PNPLA8: variants seen among roughly 807,000 people sequenced by gnomAD.
The protein encoded by PNPLA8 is patatin like domain 8, phospholipase A2.
PNPLA8 carries 39 observed loss-of-function variants against 76.9 expected under a neutral mutation model. That is an observed-to-expected ratio of 0.51 (90% confidence interval 0.39 to 0.66). The LOEUF (loss-of-function observed/expected upper bound fraction) is 0.66. Among genes scored for constraint, PNPLA8 ranks in the 30% least tolerant of loss-of-function variants. The pLI is 0.00. For synonymous variants in PNPLA8, 301 were observed against 307.9 expected, an observed-to-expected ratio of 0.98 and a Z score of 0.24; for missense variants, 887 against 918.0, an observed-to-expected ratio of 0.97 and a Z score of 0.44.
chr7:108,477,317 TG>T (rs1860068770), intron 10 of PNPLA8, among the ~76,000 whole-genome samples: 1 of 152,226 alleles, frequency 6.6e-6, no homozygotes, highest in South Asian at 2.1e-4. Flanking sequence ...AGTATTTTAC[TG>T]ATCTGGCAAC....
At chr7:108,480,497 C>T (rs567592195) in intron 9 of PNPLA8, among the ~76,000 whole-genome samples, 1 of 152,170 alleles carries the variant, frequency 6.6e-6, no homozygotes, top group Non-Finnish European at 1.5e-5. Flanking sequence ...GCTGAGTACA[C>T]GGAAAGGCAT....
At chr7:108,524,914 A>G (rs530026578) in intron 1 of PNPLA8, among the ~76,000 whole-genome samples, 38 of 152,158 alleles carry the variant, frequency 2.5e-4, no homozygotes, top group Non-Finnish European at 2.8e-4. Context: ...CTTCAGCACA[A>G]CCCCTCTAAC....
chr7:108,502,892 T>A, intron 4 of PNPLA8: 1 of 275,880 alleles, frequency 3.6e-6, no homozygotes, highest in Non-Finnish European at 6.6e-6. Flanking sequence ...ATGTAATACT[T>A]AACTAGAGAA....
chr7:108,516,567 A>G (rs40878), intron 2 of PNPLA8, among the ~76,000 whole-genome samples: 45,104 of 152,138 alleles, frequency 0.3, 7,226 homozygotes, highest in African/African-American at 0.38. Flanking sequence ...TCAAATGCAC[A>G]ATACACAAAA....
intron 1 of PNPLA8, among the ~76,000 whole-genome samples, 200 bp downstream of exon 1, chr7:108,525,829 G>C (rs947533782): frequency 6.6e-6 from 1 of 152,224 alleles, no homozygotes; most frequent in Admixed American, 6.5e-5. Context: ...CGGGGGCGGA[G>C]GGCGCCGAGT....
chr7:108,496,569 G>C lies in PNPLA8; in HGVS notation c.1625+15C>G. The stretch of plus-strand genomic sequence containing the variant: ...TATATAATCAGAAGATTTAAAAAGA[G>C]TAATTGTAACTTACTTAAGAATGTT... On this transcript the variant is annotated intron_variant, in intron 7 of 10. Coordinates refer to ENST00000257694, the MANE Select transcript of PNPLA8 (RefSeq NM_001256007.3). 1 of 1,549,218 alleles carries C rather than the reference G, an allele frequency of 6.5e-7. No homozygotes were observed. Among genetic ancestry groups the C allele is most frequent in the East Asian group, 2.3e-5 (1 of 43,164 alleles).
At chr7:108,522,813 C>T (rs957139749) in intron 1 of PNPLA8, among the ~76,000 whole-genome samples, 6 of 152,098 alleles carry the variant, frequency 3.9e-5, no homozygotes, top group African/African-American at 1.4e-4. Flanking sequence ...AAATACAGTA[C>T]AAAAGGCCAA....
chr7:108,493,180 A>G (rs1448819901), intron 7 of PNPLA8, among the ~76,000 whole-genome samples: 2 of 152,160 alleles, frequency 1.3e-5, no homozygotes, highest in Non-Finnish European at 2.9e-5. Flanking sequence ...GCAGAGAAAG[A>G]AAAAACAACT....
chr7:108,473,207 A>T (rs2154514571), intron 10 of PNPLA8, among the ~76,000 whole-genome samples: 1 of 152,318 alleles, frequency 6.6e-6, no homozygotes, highest in African/African-American at 2.4e-5. Context: ...ACCTTCTTTT[A>T]TGGACAAAAT....
At chr7:108,500,914 CA>C (rs35813927) in intron 5 of PNPLA8, among the ~76,000 whole-genome samples, 349 of 144,998 alleles carry the variant, frequency 2.4e-3, no homozygotes, top group Admixed American at 5.8e-3. Flanking sequence ...AACTCCGTCT[CA>C]AAAAAAAAAA....
chr7:108,485,628 T>C (rs1223408985), intron 9 of PNPLA8, among the ~76,000 whole-genome samples: 1 of 152,060 alleles, frequency 6.6e-6, no homozygotes, highest in Non-Finnish European at 1.5e-5. Context: ...AACTTCTGAG[T>C]GGTTAGAAAG....
At chr7:108,494,869 A>G (rs1050639559) in intron 7 of PNPLA8, among the ~76,000 whole-genome samples, 7 of 152,226 alleles carry the variant, frequency 4.6e-5, no homozygotes, top group African/African-American at 9.6e-5. Context: ...TATATTTACA[A>G]TACATTGAGG....
chr7:108,480,071 A>C (rs978151466), intron 9 of PNPLA8, among the ~76,000 whole-genome samples: 1 of 152,182 alleles, frequency 6.6e-6, no homozygotes, highest in Admixed American at 6.6e-5. Flanking sequence ...TTGTATTTAA[A>C]ATCTAGAAAA....
At chr7:108,505,804 G>A (rs914101331) in intron 4 of PNPLA8, among the ~76,000 whole-genome samples, 5 of 152,082 alleles carry the variant, frequency 3.3e-5, no homozygotes, top group East Asian at 3.9e-4. Flanking sequence ...GGTCAGCCAC[G>A]GAATAGGAGA....
intron 5 of PNPLA8, among the ~76,000 whole-genome samples, chr7:108,499,340 T>A (rs934529055): frequency 3.9e-5 from 6 of 152,224 alleles, no homozygotes; most frequent in African/African-American, 1.2e-4. Context: ...AAATTCCGAA[T>A]GAATTTAAAT....
At position 108,487,808 on chromosome 7, in the gene PNPLA8, G is replaced by A. The variant is rs1454418898; in HGVS notation, c.1829C>T (p.Ala610Val). The A allele has an allele frequency of 6.2e-7, 1 of 1,613,292 alleles. No individual in the cohort carries two copies. The highest frequency in any genetic ancestry group is 1.3e-5 in the African/African-American group (1 of 74,894). The change falls in exon 9 of 11, where the codon GCT becomes GTT. Residue 610 changes from alanine to valine, a missense_variant. Ala to Val is a moderately conservative substitution (Grantham distance 64). Transcript: ENST00000257694. Reference sequence around the variant, plus strand: ...ATATTCTGCAAAGTAGCCTGGAGCAGCAGATGAGGCTCTAATGGCCTGCCA... The same window carrying A: ...ATATTCTGCAAAGTAGCCTGGAGCAACAGATGAGGCTCTAATGGCCTGCCA... ...KMWQAIRASS[A>V]APGYFAEYAL...
At chr7:108,527,152 C>G (rs1302948983), upstream of PNPLA8, among the ~76,000 whole-genome samples, 2 of 152,208 alleles carry the variant, frequency 1.3e-5, no homozygotes, top group Non-Finnish European at 2.9e-5. Flanking sequence ...ACTCTCAAGG[C>G]TTACCCACTA....
chr7:108,485,033 T>A (rs1238992449), intron 9 of PNPLA8, among the ~76,000 whole-genome samples: 1 of 152,206 alleles, frequency 6.6e-6, no homozygotes, highest in Non-Finnish European at 1.5e-5. Flanking sequence ...TTTATTTATG[T>A]TTATGTATCC....
At chr7:108,505,383 A>T (rs1862344253) in intron 4 of PNPLA8, among the ~76,000 whole-genome samples, 1 of 33,528 alleles carries the variant, frequency 3.0e-5, no homozygotes, top group East Asian at 1.6e-3. Flanking sequence ...TTTTTTTTTG[A>T]GACGGAGTCT....
Sources: allele counts gnomAD v4.1 joint callset (sites outside exome capture counted in the v4.1 genomes callset), GRCh38; gene constraint gnomAD v4.1.1; transcripts MANE v1.5; gene names NCBI Gene and HGNC (gene_info 2026-07-23, HGNC 2026-07-21).